FRAS1: variants seen among roughly 807,000 people sequenced by gnomAD.
FRAS1 encodes extracellular matrix organizing protein FRAS1.
Under a neutral mutation model 435.2 loss-of-function variants are expected in FRAS1, and 290 were observed. That is an observed-to-expected ratio of 0.67 (90% CI 0.61 to 0.73). FRAS1 has a LOEUF of 0.73. FRAS1 is among the 30% of genes least tolerant of loss of function. FRAS1 has a pLI of 0.00. For missense variants in FRAS1, 4,860 were observed against 5,001.5 expected (o/e 0.97, Z 0.85); for synonymous variants, 1,800 against 1,851.0 (o/e 0.97, Z 0.71).
chr4:78,440,446 C>G (rs1205061468), intron 40 of FRAS1, among the ~76,000 whole-genome samples: 1 of 152,150 alleles, frequency 6.6e-6, no homozygotes, highest in Non-Finnish European at 1.5e-5. Context: ...TGACCTTCCC[C>G]TTTGTAATTT....
chr4:78,540,461 A>G (rs904226158), intron 73 of FRAS1, 70 bp from the exon 74 acceptor site: 9 of 987,524 alleles, frequency 9.1e-6, no homozygotes, highest in Middle Eastern at 4.4e-4. Flanking sequence ...AGTGGCAATT[A>G]TCCTTCCATT....
intron 2 of FRAS1, among the ~76,000 whole-genome samples, chr4:78,212,953 C>A (rs1334596224): frequency 6.6e-6 from 1 of 152,180 alleles, no homozygotes; most frequent in Non-Finnish European, 1.5e-5. Flanking sequence ...CCCATGGGAG[C>A]TCTGGAGTTG....
chr4:78,278,857 T>A, intron 10 of FRAS1, 113 bp downstream of exon 10: 1 of 687,574 alleles, frequency 1.5e-6, no homozygotes, highest in Non-Finnish European at 2.6e-6. Flanking sequence ...ACAAATGTTA[T>A]TGTGCACCTA....
rs368582766 is a variant in FRAS1, at chr4:78,318,946, T to C, written c.2097T>C (p.Cys699=). The change falls in exon 18 of 74, where the codon TGT becomes TGC. Residue 699 remains cysteine (C), a synonymous_variant. Transcript: ENST00000512123. ...CCTCTGGCGAGTGTCTAGCCCAGTGTAGAGCCCATTTTTACTTGGAGAGCA... is the reference window on the plus strand; with the variant it reads ...CCTCTGGCGAGTGTCTAGCCCAGTGCAGAGCCCATTTTTACTTGGAGAGCA... ...GIPSGECLAQ[C]RAHFYLESTG... The C allele has an allele frequency of 1.9e-6, 3 of 1,613,862 alleles. No homozygotes were observed. Among genetic ancestry groups the C allele is most frequent in the Non-Finnish European group, 2.5e-6 (3 of 1,179,876 alleles).
intron 2 of FRAS1, among the ~76,000 whole-genome samples, chr4:78,086,266 A>G (rs1214222274): frequency 1.3e-5 from 2 of 152,232 alleles, no homozygotes; most frequent in African/African-American, 4.8e-5. Flanking sequence ...TCTTGGACAC[A>G]TTAAAAGCAG....
intron 15 of FRAS1, among the ~76,000 whole-genome samples, chr4:78,312,883 A>AGAGAGAG (rs1553943151): frequency 1.1e-5 from 1 of 94,296 alleles, no homozygotes. Flanking sequence ...GAGAGAGAGA[A>AGAGAGAG]AGAAAGAAAG....
chr4:78,507,696 T>C lies in FRAS1; in HGVS notation c.9504+88T>C. 3.1e-6 allele frequency: 4 copies of C among 1,307,434 alleles called. No individual in the cohort carries two copies. In the South Asian group the frequency reaches 6.6e-5, roughly 21 times the overall value. 81.0% of individuals were successfully genotyped at this position (1,307,434 alleles called of 1,614,324 possible). A position where few individuals can be genotyped will look rare whatever the true frequency, so the allele number is the denominator to read the frequency against. On this transcript the variant is annotated intron_variant, in intron 62 of 73. Transcript: ENST00000512123. ...AGGGAAGTACTCTATTTCTTTATTC[T>C]TCTAACCCAGTGGTTCCCAACCAGG...
intron 51 of FRAS1, among the ~76,000 whole-genome samples, chr4:78,470,450 A>G (rs1036732409): frequency 7.9e-5 from 12 of 152,156 alleles, no homozygotes; most frequent in African/African-American, 2.9e-4. Flanking sequence ...TTCTGTCATC[A>G]CTAAGTGGTT....
At chr4:78,124,815 G>T (rs1221168115) in intron 2 of FRAS1, among the ~76,000 whole-genome samples, 1 of 152,114 alleles carries the variant, frequency 6.6e-6, no homozygotes, top group Non-Finnish European at 1.5e-5. Context: ...GGGATCGGTG[G>T]TGATATCCCC....
chr4:78,112,817 T>G (rs1404772127), intron 2 of FRAS1, among the ~76,000 whole-genome samples: 1 of 151,690 alleles, frequency 6.6e-6, no homozygotes, highest in Admixed American at 6.6e-5. Flanking sequence ...TACTTTATTA[T>G]TTATTTATTT....
intron 70 of FRAS1, among the ~76,000 whole-genome samples, chr4:78,527,317 T>TATTCATTCATTC (rs56229743): frequency 0.014 from 2,137 of 150,644 alleles, 59 homozygotes; most frequent in African/African-American, 0.048. Flanking sequence ...TTGTGCTGTA[T>TATTCATTCATTC]ATTCATTCAT....
chr4:78,418,694 C>A (rs756674312), intron 32 of FRAS1, among the ~76,000 whole-genome samples: 15 of 152,138 alleles, frequency 9.9e-5, no homozygotes, highest in Non-Finnish European at 2.2e-4. Context: ...ACTGGCGTAA[C>A]CCTGCGGGCA....
intron 20 of FRAS1, among the ~76,000 whole-genome samples, chr4:78,356,561 TA>T (rs1730865587): frequency 6.6e-6 from 1 of 152,162 alleles, no homozygotes; most frequent in Non-Finnish European, 1.5e-5. Flanking sequence ...TGCATCATAA[TA>T]TTCTTAATAT....
intron 2 of FRAS1, among the ~76,000 whole-genome samples, chr4:78,164,671 T>C (rs1264264421): frequency 6.6e-6 from 1 of 152,168 alleles, no homozygotes; most frequent in African/African-American, 2.4e-5. Flanking sequence ...ATTATTTTAA[T>C]GGGGTTGTAC....
rs75511554 is a variant in FRAS1 at position 78,270,435 on chromosome 4, G to A, written c.981+3003G>A. 4.2e-3 allele frequency among the ~76,000 whole-genome samples: 636 copies of A among 152,184 alleles called. 5 individuals carry two copies. The East Asian group carries it at 0.042, about 10-fold the overall frequency. ...AGGATATTTGCCTCCAGTGGAGCAG[G>A]GCAAGGCAGCTCACATTTATGGAGT... is the stretch of plus-strand genomic sequence containing the variant. On this transcript the variant is annotated intron_variant, in intron 9 of 73. Coordinates refer to ENST00000512123, the MANE Select transcript of FRAS1 (RefSeq NM_025074.7).
chr4:78,087,601 A>G (rs1450776216), intron 2 of FRAS1, among the ~76,000 whole-genome samples: 1 of 152,198 alleles, frequency 6.6e-6, no homozygotes, highest in East Asian at 1.9e-4. Context: ...ACCAATGTAC[A>G]AAAATCACAA....
chr4:78,200,094 A>G (rs1466284391), intron 2 of FRAS1, among the ~76,000 whole-genome samples: 2 of 152,204 alleles, frequency 1.3e-5, no homozygotes, highest in Non-Finnish European at 2.9e-5. Context: ...CTGCCTGCTC[A>G]TTCAATGTGA....
In FRAS1 at chr4:78,237,558, G is replaced by T; in HGVS notation, c.157G>T (p.Gly53Cys). ...TTCATGCCAGAGCTGCCGTTGCCATGGTGATATTGTTATCTGCAAACCTGC... is the reference window on the plus strand; with the variant it reads ...TTCATGCCAGAGCTGCCGTTGCCATTGTGATATTGTTATCTGCAAACCTGC... ...PDSCQSCRCH[G>C]DIVICKPAVC... Residue 53 changes from glycine to cysteine, a missense_variant, in exon 3 of 74, where the codon GGT becomes TGT. Gly to Cys is a radical substitution (Grantham distance 159). Coordinates refer to ENST00000512123, the MANE Select transcript of FRAS1 (RefSeq NM_025074.7). The T allele has an allele frequency of 6.2e-7, 1 of 1,613,262 alleles. No homozygotes were observed. Among genetic ancestry groups the T allele is most frequent in the South Asian group, 1.1e-5 (1 of 90,922 alleles).
intron 68 of FRAS1, among the ~76,000 whole-genome samples, chr4:78,522,270 T>C (rs546949892): frequency 1.1e-4 from 17 of 152,318 alleles, no homozygotes; most frequent in East Asian, 9.6e-4. Context: ...TTTCCATTTA[T>C]AAACTACTGA....
Sources: allele counts gnomAD v4.1 joint callset (sites outside exome capture counted in the v4.1 genomes callset), GRCh38; gene constraint gnomAD v4.1.1; transcripts MANE v1.5; gene names NCBI Gene and HGNC (gene_info 2026-07-23, HGNC 2026-07-21).